The following CCDC3 variants were observed in gnomAD, a reference collection of about 807,000 sequenced individuals.
CCDC3 encodes coiled-coil domain-containing protein 3.
In CCDC3, 24 loss-of-function variants were observed where a neutral mutation model predicts 21.4. That is an observed-to-expected ratio of 1.12 (90% CI 0.81 to 1.58). CCDC3 has a LOEUF of 1.58. CCDC3 is among the 40% of genes most tolerant of loss of function. The pLI, the probability that CCDC3 is intolerant of heterozygous loss-of-function variation, is 0.00. For missense variants in CCDC3, 425 were observed against 360.9 expected (o/e 1.18, Z -1.44); for synonymous variants, 186 against 166.0 (o/e 1.12, Z -0.93).
chr10:12,931,751 G>A (rs537198679), intron 2 of CCDC3, among the ~76,000 whole-genome samples: 3 of 152,244 alleles, frequency 2.0e-5, no homozygotes, highest in East Asian at 1.9e-4. Flanking sequence ...TAACAGAACT[G>A]TGGTACATAC....
At chr10:12,972,952 G>A (rs1339508194) in intron 2 of CCDC3, among the ~76,000 whole-genome samples, 2 of 152,194 alleles carry the variant, frequency 1.3e-5, no homozygotes, top group Non-Finnish European at 2.9e-5. Flanking sequence ...GAATCCCATG[G>A]CTGCAGCTCG....
chr10:12,996,986 T>C (rs1835771068), intron 2 of CCDC3, among the ~76,000 whole-genome samples: 1 of 152,122 alleles, frequency 6.6e-6, no homozygotes, highest in Non-Finnish European at 1.5e-5. Flanking sequence ...GCTCACTACC[T>C]GGGTGCGAAA....
chr10:13,062,198 GA>G (rs35640502), intron 4 of CCDC3, among the ~76,000 whole-genome samples: 94,100 of 151,786 alleles, frequency 0.62, 29,684 homozygotes, highest in African/African-American at 0.74. Context: ...TGCAAGATAA[GA>G]AAAAAATCAG....
chr10:12,928,878 A>G (rs576155309), intron 2 of CCDC3, among the ~76,000 whole-genome samples: 3 of 152,316 alleles, frequency 2.0e-5, no homozygotes, highest in Admixed American at 2.0e-4. Context: ...TCCCTCTGAC[A>G]CATACCCAGG....
intron 5 of CCDC3, among the ~76,000 whole-genome samples, chr10:13,047,601 C>T (rs1836545592): frequency 6.6e-6 from 1 of 152,164 alleles, no homozygotes; most frequent in Non-Finnish European, 1.5e-5. Context: ...CCTTCTTTCA[C>T]ACAGAATGCC....
chr10:12,956,768 C>T (rs1182883181), intron 2 of CCDC3, among the ~76,000 whole-genome samples: 1 of 152,176 alleles, frequency 6.6e-6, no homozygotes, highest in Non-Finnish European at 1.5e-5. Context: ...CACCTCCTCC[C>T]TCCACCCACC....
intron 2 of CCDC3, among the ~76,000 whole-genome samples, chr10:12,907,764 C>T (rs1834197140): frequency 6.6e-6 from 1 of 152,212 alleles, no homozygotes; most frequent in Admixed American, 6.5e-5. Context: ...CTGCCCCCAC[C>T]TGCCCGCCCC....
At chr10:12,934,021 G>A (rs183836060) in intron 2 of CCDC3, among the ~76,000 whole-genome samples, 3 of 152,132 alleles carry the variant, frequency 2.0e-5, no homozygotes, top group Admixed American at 2.0e-4. Flanking sequence ...TTCCAAAAGT[G>A]GAAGTTCAGG....
At chr10:13,018,223 G>C (rs1176917493) in intron 5 of CCDC3, among the ~76,000 whole-genome samples, 2 of 152,092 alleles carry the variant, frequency 1.3e-5, no homozygotes, top group Non-Finnish European at 2.9e-5. Flanking sequence ...AGGAAGTGAA[G>C]TCTCTGGGGA....
intron 2 of CCDC3, among the ~76,000 whole-genome samples, chr10:12,955,615 A>G (rs1835071694): frequency 6.6e-6 from 1 of 151,980 alleles, no homozygotes; most frequent in Non-Finnish European, 1.5e-5. Context: ...TACACTGGTG[A>G]GATCACAGCT....
chr10:12,999,277 C>T (rs975381676), intron 1 of CCDC3, among the ~76,000 whole-genome samples: 2 of 152,154 alleles, frequency 1.3e-5, no homozygotes, highest in African/African-American at 2.4e-5. Context: ...ATAGTACCTA[C>T]TTTTCTGGTG....
chr10:13,073,137 A>T (rs146996119), intron 4 of CCDC3, among the ~76,000 whole-genome samples: 65 of 152,278 alleles, frequency 4.3e-4, no homozygotes, highest in South Asian at 8.3e-4. Context: ...AAGTGCTGGG[A>T]TTACAGGCAT....
chr10:12,920,677 T>A (rs1012671690), intron 2 of CCDC3, among the ~76,000 whole-genome samples: 2 of 152,172 alleles, frequency 1.3e-5, no homozygotes, highest in African/African-American at 4.8e-5. Flanking sequence ...GTATGAGAAG[T>A]TTTGAACACG....
At chr10:12,999,852 C>T (rs752095521) in intron 1 of CCDC3, among the ~76,000 whole-genome samples, 30 of 152,170 alleles carry the variant, frequency 2.0e-4, no homozygotes, top group Non-Finnish European at 1.2e-4. Context: ...AAACATGAAA[C>T]CCTAAGTTTC....
intron 2 of CCDC3, among the ~76,000 whole-genome samples, chr10:12,908,242 A>G (rs1834205551): frequency 6.6e-6 from 1 of 152,226 alleles, no homozygotes; most frequent in Non-Finnish European, 1.5e-5. Context: ...CTGGTTAAAA[A>G]AGTTTCAGAA....
At chr10:13,094,277 ATG>A (rs1832607975) in intron 3 of CCDC3, among the ~76,000 whole-genome samples, 3 of 151,862 alleles carry the variant, frequency 2.0e-5, no homozygotes, top group African/African-American at 7.2e-5. Context: ...GATGATGATG[ATG>A]ATGATGATGA....
chr10:12,976,276 G>C (rs961697229), intron 2 of CCDC3, among the ~76,000 whole-genome samples: 1 of 152,222 alleles, frequency 6.6e-6, no homozygotes, highest in African/African-American at 2.4e-5. Context: ...TTAGGACCTG[G>C]TGGTTGAGCA....
chr10:13,041,708 G>A (rs1301684514), intron 5 of CCDC3, among the ~76,000 whole-genome samples: 5 of 151,548 alleles, frequency 3.3e-5, no homozygotes, highest in African/African-American at 4.9e-5. Context: ...GGCTGGTCTC[G>A]AACTCCTGAC....
At chr10:12,986,694 A>T (rs1337824718) in intron 2 of CCDC3, among the ~76,000 whole-genome samples, 1 of 151,290 alleles carries the variant, frequency 6.6e-6, no homozygotes, top group Admixed American at 6.6e-5. Context: ...GAATGGCGTG[A>T]CGCGGGAGGC....
Sources: allele counts gnomAD v4.1 joint callset (sites outside exome capture counted in the v4.1 genomes callset), GRCh38; gene constraint gnomAD v4.1.1; transcripts MANE v1.5; gene names NCBI Gene and HGNC (gene_info 2026-07-23, HGNC 2026-07-21).